TMEM135: variants seen among roughly 807,000 people sequenced by gnomAD.
TMEM135 encodes the protein peroxisomal membrane protein 52.
Under a neutral mutation model 60.3 loss-of-function variants are expected in TMEM135, and 30 were observed. The ratio of observed to expected loss-of-function variants is 0.50; its 90% confidence interval spans 0.37 to 0.68. The LOEUF is 0.68. Ranked by LOEUF, TMEM135 falls within the 30% of genes least tolerant of loss-of-function variation. TMEM135 has a pLI of 0.00. For missense variants in TMEM135, 468 were observed against 548.8 expected (o/e 0.85, Z 1.47); for synonymous variants, 190 against 186.7 (o/e 1.02, Z -0.14).
chr11:87,138,583 C>T (rs1292400111), intron 4 of TMEM135, among the ~76,000 whole-genome samples: 1 of 152,088 alleles, frequency 6.6e-6, no homozygotes, highest in Non-Finnish European at 1.5e-5. Context: ...TGCATTTATT[C>T]AATATTTTTT....
intron 5 of TMEM135, among the ~76,000 whole-genome samples, chr11:87,184,123 T>G (rs1284047814): frequency 2.6e-5 from 4 of 152,170 alleles, no homozygotes. Flanking sequence ...ATAGTTGTTT[T>G]GTTTGTTCTT....
At chr11:87,083,115 G>A (rs1372224283) in intron 3 of TMEM135, among the ~76,000 whole-genome samples, 1 of 151,722 alleles carries the variant, frequency 6.6e-6, no homozygotes, top group African/African-American at 2.4e-5. Context: ...AGTATTAAGC[G>A]TGCTTGCTTG....
Position 87,325,608 on chromosome 11 carries a change from T to G in TMEM135, c.*4275T>G, listed in dbSNP as rs1273942125. 1 of 453,990 alleles carries G rather than the reference T, an allele frequency of 2.2e-6. No homozygotes were observed. Among genetic ancestry groups the G allele is most frequent in the Non-Finnish European group, 4.4e-6 (1 of 226,772 alleles). The allele number at this position is 453,990 out of a possible 1,614,324, so 28.1% of individuals were successfully genotyped here. ...TTTATGTTAACTAGTCTCCTTGGAC[T>G]TCATTGCAACCTTTTAAGCCAGCCG... On this transcript the variant is annotated 3_prime_UTR_variant, in exon 15 of 15. Transcript: ENST00000305494.
At chr11:87,252,555 C>A (rs1238698388) in intron 6 of TMEM135, among the ~76,000 whole-genome samples, 1 of 151,884 alleles carries the variant, frequency 6.6e-6, no homozygotes, top group Non-Finnish European at 1.5e-5. Context: ...GGTAGATCAC[C>A]TGAGGTCAGG....
chr11:87,319,233 C>A, intron 13 of TMEM135, 77 bp from the exon 14 acceptor site: 1 of 1,190,250 alleles, frequency 8.4e-7, no homozygotes. Context: ...ACTTAAACAT[C>A]AATACACCTT....
chr11:87,075,209 A>C (rs954393503), intron 3 of TMEM135, among the ~76,000 whole-genome samples: 4 of 151,580 alleles, frequency 2.6e-5, no homozygotes, highest in African/African-American at 9.7e-5. Context: ...CCCAGGCTGG[A>C]GTGCGGTGGC....
intron 4 of TMEM135, among the ~76,000 whole-genome samples, chr11:87,142,010 CA>C (rs1197788960): frequency 6.6e-6 from 1 of 152,104 alleles, no homozygotes; most frequent in Non-Finnish European, 1.5e-5. Flanking sequence ...GGGAGGTTAG[CA>C]AATGAAGGAA....
chr11:87,245,704 G>A (rs193290451), intron 6 of TMEM135, among the ~76,000 whole-genome samples: 2,302 of 127,232 alleles, frequency 0.018, 116 homozygotes, highest in Non-Finnish European at 0.023. Context: ...CATTTGCTTG[G>A]TAGATCTTCC....
chr11:87,075,119 A>G (rs1057031643), intron 3 of TMEM135, among the ~76,000 whole-genome samples: 3 of 151,878 alleles, frequency 2.0e-5, no homozygotes, highest in Non-Finnish European at 4.4e-5. Context: ...GGTGCACACC[A>G]CTATGCTCAG....
chr11:87,100,813 G>C (rs949987870), intron 4 of TMEM135, among the ~76,000 whole-genome samples: 3 of 151,990 alleles, frequency 2.0e-5, no homozygotes, highest in African/African-American at 7.3e-5. Flanking sequence ...AGTAAGCCAA[G>C]ATTGCGTCAG....
Position 87,067,959 on chromosome 11 carries a change from A to G in TMEM135, c.269+138A>G, listed in dbSNP as rs1175491847. 5.6e-6 allele frequency: 6 copies of G among 1,079,318 alleles called. No homozygotes were observed. In the Admixed American group the frequency reaches 1.4e-4, roughly 24 times the overall value. The allele number at this position is 1,079,318 out of a possible 1,614,324, so 66.9% of individuals were successfully genotyped here. A position where few individuals can be genotyped will look rare whatever the true frequency, so the allele number is the denominator to read the frequency against. Reference sequence around the variant, plus strand: ...TAATCTGTGAAGTGACATTTATGTCAATGAAAGCTTGTAAAACCAGGAACT... The same window carrying G: ...TAATCTGTGAAGTGACATTTATGTCGATGAAAGCTTGTAAAACCAGGAACT... On this transcript the variant is annotated intron_variant, in intron 2 of 14. Coordinates refer to ENST00000305494, the MANE Select transcript of TMEM135 (RefSeq NM_022918.4).
intron 3 of TMEM135, among the ~76,000 whole-genome samples, chr11:87,079,852 T>C (rs1176174503): frequency 1.4e-5 from 2 of 147,784 alleles, no homozygotes; most frequent in East Asian, 3.9e-4. Context: ...TCTTTTTTTT[T>C]TTTTTTTGAG....
intron 6 of TMEM135, among the ~76,000 whole-genome samples, chr11:87,240,166 AC>A (rs1591129039): frequency 1.3e-5 from 2 of 152,090 alleles, no homozygotes; most frequent in African/African-American, 4.8e-5. Flanking sequence ...GTCTCTTGAT[AC>A]CCATACATGC....
At chr11:87,205,806 T>C (rs891729656) in intron 5 of TMEM135, among the ~76,000 whole-genome samples, 4 of 152,178 alleles carry the variant, frequency 2.6e-5, no homozygotes, top group Non-Finnish European at 4.4e-5. Flanking sequence ...TTGTTTTGAG[T>C]CTGTGCCACA....
At chr11:87,074,065 A>G (rs1482326205) in intron 3 of TMEM135, among the ~76,000 whole-genome samples, 1 of 152,060 alleles carries the variant, frequency 6.6e-6, no homozygotes, top group Admixed American at 6.6e-5. Flanking sequence ...TCCTGGGTTC[A>G]AACGGTTTTC....
Position 87,076,456 on chromosome 11 carries a change from G to A in TMEM135, c.362+4841G>A, listed in dbSNP as rs181806178. 4.6e-5 allele frequency among the ~76,000 whole-genome samples: 7 copies of A among 152,316 alleles called. No homozygotes were observed. In the East Asian group the frequency reaches 1.4e-3, roughly 29 times the overall value. ...CAGTAGGCCCCCCCTCTGGCCTAGG[G>A]TAGGTTCAGAAATGCTGTCCAAGAG... On this transcript the variant is annotated intron_variant, in intron 3 of 14. Coordinates refer to ENST00000305494, the MANE Select transcript of TMEM135 (RefSeq NM_022918.4).
At chr11:87,089,452 A>G (rs1253738370) in intron 3 of TMEM135, among the ~76,000 whole-genome samples, 1 of 152,182 alleles carries the variant, frequency 6.6e-6, no homozygotes, top group Non-Finnish European at 1.5e-5. Context: ...CTGAGGCAGT[A>G]AGATCACTTG....
intron 4 of TMEM135, among the ~76,000 whole-genome samples, chr11:87,107,030 G>A (rs1247044354): frequency 1.3e-5 from 2 of 152,164 alleles, no homozygotes; most frequent in East Asian, 3.8e-4. Context: ...CACGAAGACA[G>A]CACCAAGCCA....
intron 3 of TMEM135, among the ~76,000 whole-genome samples, chr11:87,079,325 G>T (rs1357602677): frequency 6.6e-6 from 1 of 152,162 alleles, no homozygotes; most frequent in Admixed American, 6.5e-5. Flanking sequence ...TTTAAAAGTT[G>T]TATAGTTTTA....
Sources: allele counts gnomAD v4.1 joint callset (sites outside exome capture counted in the v4.1 genomes callset), GRCh38; gene constraint gnomAD v4.1.1; transcripts MANE v1.5; gene names NCBI Gene and HGNC (gene_info 2026-07-23, HGNC 2026-07-21).